The following ADGRL3 variants were observed in gnomAD, a reference collection of about 807,000 sequenced individuals.
The protein encoded by ADGRL3 is calcium-independent alpha-latrotoxin receptor 3.
Under a neutral mutation model 153.5 loss-of-function variants are expected in ADGRL3, and 62 were observed. The ratio of observed to expected loss-of-function variants is 0.40; its 90% CI spans 0.33 to 0.50. The LOEUF is 0.50. Ranked by LOEUF, ADGRL3 falls within the 20% of genes least tolerant of loss-of-function variation. The pLI is 0.47. For missense variants in ADGRL3, 1,641 were observed against 1,859.4 expected (o/e 0.88, Z 2.16); for synonymous variants, 710 against 672.5 (o/e 1.06, Z -0.86).
Position 61,226,753 on chromosome 4 carries a change from TTATAATTTC to T in ADGRL3, c.-240+24989_-240+24997del, listed in dbSNP as rs1326351930. On this transcript the variant is annotated intron_variant, in intron 1 of 26. Coordinates refer to ENST00000683033, the MANE Select transcript of ADGRL3 (RefSeq NM_001387552.1). ...GCTCAGGTGGGAATGTGGCATGAAG[TTATAATTTC>T]ACTCTATTCGGGATAGTTAGGTGTT... Among the ~76,000 whole-genome samples, 5 of 152,044 alleles carry T rather than the reference TTATAATTTC, an allele frequency of 3.3e-5. No individual in the cohort carries two copies. In the East Asian group the frequency reaches 9.7e-4, roughly 30 times the overall value.
At chr4:61,912,070 T>C (rs1020783130) in intron 12 of ADGRL3, among the ~76,000 whole-genome samples, 11 of 152,186 alleles carry the variant, frequency 7.2e-5, no homozygotes, top group African/African-American at 2.4e-4. Context: ...TTCTATCATT[T>C]GTTTTTTGGT....
chr4:61,776,468 T>C (rs758863839), intron 8 of ADGRL3, among the ~76,000 whole-genome samples: 8 of 152,176 alleles, frequency 5.3e-5, no homozygotes, highest in Non-Finnish European at 7.4e-5. Context: ...AATCACTTAG[T>C]TGAAGTAAAT....
chr4:61,269,302 C>G (rs2093028721), intron 1 of ADGRL3, among the ~76,000 whole-genome samples: 1 of 151,478 alleles, frequency 6.6e-6, no homozygotes. Context: ...TTCCTTTTCT[C>G]TGGTGTGTGC....
At chr4:61,347,217 C>A (rs1328911021) in intron 1 of ADGRL3, among the ~76,000 whole-genome samples, 1 of 151,800 alleles carries the variant, frequency 6.6e-6, no homozygotes, top group African/African-American at 2.4e-5. Flanking sequence ...TTTCATTACA[C>A]CAAAAGAAAA....
At chr4:61,595,904 C>A (rs1353311048) in intron 5 of ADGRL3, among the ~76,000 whole-genome samples, 1 of 152,074 alleles carries the variant, frequency 6.6e-6, no homozygotes, top group Non-Finnish European at 1.5e-5. Context: ...GCTGGCTGAG[C>A]CCAGCATGGT....
rs1734263706 is a variant in ADGRL3, at chr4:61,200,472, GA to G, written c.-1532del. ...GCTCGCTCCAGTTCCCAGGAGCGGG[GA>G]TGCAGATGCTGCAGCTGGTCGGGGT... On this transcript the variant is annotated 5_prime_UTR_variant, in exon 1 of 27. The change abolishes an upstream ATG in the 5' untranslated region. Transcript: ENST00000683033. 1.3e-5 allele frequency among the ~76,000 whole-genome samples: 2 copies of G among 151,846 alleles called. No individual in the cohort carries two copies. The highest frequency in any genetic ancestry group is 4.0e-4 in the East Asian group (2 of 5,012).
At chr4:61,314,033 A>C (rs1032635918) in intron 1 of ADGRL3, among the ~76,000 whole-genome samples, 3 of 152,134 alleles carry the variant, frequency 2.0e-5, no homozygotes, top group Non-Finnish European at 4.4e-5. Flanking sequence ...CAAGCTCCAC[A>C]CAGAGAGTGG....
chr4:61,796,650 G>T (rs1244654860), intron 8 of ADGRL3, among the ~76,000 whole-genome samples: 1 of 151,956 alleles, frequency 6.6e-6, no homozygotes, highest in African/African-American at 2.4e-5. Context: ...TTTGAAAATG[G>T]CTTTACTGTT....
At chr4:61,523,725 T>G (rs958460657) in intron 4 of ADGRL3, among the ~76,000 whole-genome samples, 2 of 152,100 alleles carry the variant, frequency 1.3e-5, no homozygotes, top group Admixed American at 1.3e-4. Flanking sequence ...ACCAGAAGGA[T>G]GTATCCAATT....
At chr4:61,893,563 G>A (rs888157329) in intron 10 of ADGRL3, among the ~76,000 whole-genome samples, 9 of 152,210 alleles carry the variant, frequency 5.9e-5, no homozygotes, top group African/African-American at 1.7e-4. Context: ...ATCAGCCATT[G>A]TAGTTGTCCT....
At chr4:61,335,253 G>A (rs1017429128) in intron 1 of ADGRL3, among the ~76,000 whole-genome samples, 12 of 152,016 alleles carry the variant, frequency 7.9e-5, no homozygotes, top group African/African-American at 2.9e-4. Flanking sequence ...TACTTACATG[G>A]GGGATACCTA....
chr4:61,446,249 A>G (rs1241169694), intron 2 of ADGRL3, among the ~76,000 whole-genome samples: 2 of 152,168 alleles, frequency 1.3e-5, no homozygotes, highest in East Asian at 3.8e-4. Flanking sequence ...GTGTAATTCT[A>G]AAGTGTATAG....
intron 5 of ADGRL3, among the ~76,000 whole-genome samples, chr4:61,587,951 T>A (rs1203068120): frequency 6.6e-6 from 1 of 152,012 alleles, no homozygotes; most frequent in Non-Finnish European, 1.5e-5. Context: ...ATTCAGCATA[T>A]GAAATTAATT....
chr4:61,888,770 A>G (rs936140911), intron 9 of ADGRL3, among the ~76,000 whole-genome samples: 4 of 152,172 alleles, frequency 2.6e-5, no homozygotes, highest in Non-Finnish European at 5.9e-5. Flanking sequence ...AAGTCCTTCC[A>G]ATGTCTTTCA....
chr4:61,850,333 C>G (rs2098187202), intron 9 of ADGRL3, among the ~76,000 whole-genome samples: 1 of 152,092 alleles, frequency 6.6e-6, no homozygotes, highest in African/African-American at 2.4e-5. Context: ...TTGCCAATGG[C>G]TTTTGCACCA....
At chr4:61,334,786 A>G (rs1379262594) in intron 1 of ADGRL3, among the ~76,000 whole-genome samples, 3 of 152,104 alleles carry the variant, frequency 2.0e-5, no homozygotes, top group African/African-American at 7.2e-5. Flanking sequence ...TTCAAATTCA[A>G]TTGAGTTATA....
intron 1 of ADGRL3, among the ~76,000 whole-genome samples, chr4:61,326,152 T>A (rs374346711): frequency 6.6e-6 from 1 of 152,290 alleles, no homozygotes; most frequent in East Asian, 1.9e-4. Flanking sequence ...CATATATGTA[T>A]GCTGTTAATG....
intron 1 of ADGRL3, among the ~76,000 whole-genome samples, chr4:61,295,336 A>C (rs899707810): frequency 2.0e-5 from 3 of 152,088 alleles, no homozygotes; most frequent in Non-Finnish European, 4.4e-5. Flanking sequence ...TTAATCTCTT[A>C]AGGTGCCTAA....
At chr4:61,354,626 C>T (rs1482637027) in intron 1 of ADGRL3, among the ~76,000 whole-genome samples, 1 of 149,302 alleles carries the variant, frequency 6.7e-6, no homozygotes, top group Non-Finnish European at 1.5e-5. Flanking sequence ...AATAAAATAC[C>T]AACTCAATAA....
Sources: gnomAD v4.1 joint callset for allele counts (sites outside exome capture counted in the v4.1 genomes callset) on GRCh38, gnomAD v4.1.1 for gene constraint, MANE v1.5 for transcripts, NCBI Gene and HGNC (gene_info 2026-07-23, HGNC 2026-07-21) for gene names.